ADAM17: variants seen among roughly 807,000 people sequenced by gnomAD.
The protein encoded by ADAM17 is ADAM metallopeptidase domain 17.
In ADAM17, 39 loss-of-function variants were observed where a neutral mutation model predicts 96.7. The observed-to-expected ratio is 0.40, with a 90% CI of 0.31 to 0.53. ADAM17 has a LOEUF of 0.53. Among genes scored for constraint, ADAM17 ranks in the 20% least tolerant of loss-of-function variants. The probability of loss-of-function intolerance (pLI) is 0.44; values close to 1 mark genes in which losing one functional copy is unlikely to be tolerated. For missense variants in ADAM17, 777 were observed against 1,013.2 expected, an observed-to-expected ratio of 0.77 and a Z score of 3.17; for synonymous variants, 344 against 359.2, an observed-to-expected ratio of 0.96 and a Z score of 0.48.
chr2:9,550,592 C>T (rs1462205494), intron 1 of ADAM17, among the ~76,000 whole-genome samples: 3 of 151,698 alleles, frequency 2.0e-5, no homozygotes, highest in Non-Finnish European at 2.9e-5. Flanking sequence ...ATTACAGGCA[C>T]GCACCACCAC....
intron 11 of ADAM17, among the ~76,000 whole-genome samples, chr2:9,508,972 G>A (rs1435848858): frequency 7.2e-6 from 1 of 138,474 alleles, no homozygotes; most frequent in Non-Finnish European, 1.6e-5. Flanking sequence ...ATGAGATGCA[G>A]AAAATATACA....
At chr2:9,522,407 T>A in intron 7 of ADAM17, 1 of 580,882 alleles carries the variant, frequency 1.7e-6, no homozygotes, top group Non-Finnish European at 3.2e-6. Flanking sequence ...CTGGCTTTTG[T>A]ACTGTGTACA....
intron 14 of ADAM17, among the ~76,000 whole-genome samples, chr2:9,495,450 C>T (rs1392068060): frequency 6.6e-6 from 1 of 152,228 alleles, no homozygotes; most frequent in Admixed American, 6.5e-5. Flanking sequence ...CAGTGGCTCT[C>T]GCTTGTAATC....
At chr2:9,504,433 GA>G (rs1480739346) in intron 12 of ADAM17, among the ~76,000 whole-genome samples, 1 of 151,042 alleles carries the variant, frequency 6.6e-6, no homozygotes, top group Non-Finnish European at 1.5e-5. Context: ...AACAGAGCGA[GA>G]CGCCGTCTCA....
rs183075540 is a variant in ADAM17, at chr2:9,545,632, A to G, written c.98-2347T>C. Among the ~76,000 whole-genome samples, 132 of 152,314 alleles carry G rather than the reference A, an allele frequency of 8.7e-4. 1 individual carries two copies. The highest frequency in any genetic ancestry group is 3.0e-3 in the African/African-American group (125 of 41,570). On this transcript the variant is annotated intron_variant, in intron 1 of 18. Coordinates refer to ENST00000310823, the MANE Select transcript of ADAM17 (RefSeq NM_003183.6). ...GGAAGGTAACAACTCAAAGTAAAGAAAAAAACTTTAGCCACAAAGATGTTC... is the reference window on the plus strand; with the variant it reads ...GGAAGGTAACAACTCAAAGTAAAGAGAAAAACTTTAGCCACAAAGATGTTC...
chr2:9,494,911 C>G, intron 14 of ADAM17, 144 bp from the exon 15 acceptor site: 1 of 975,724 alleles, frequency 1.0e-6, no homozygotes, highest in Non-Finnish European at 1.5e-6. Context: ...TATCCATAGC[C>G]CCCACCAAGG....
intron 4 of ADAM17, 71 bp downstream of exon 4, chr2:9,535,763 T>C: frequency 3.0e-6 from 3 of 993,686 alleles, no homozygotes; most frequent in Non-Finnish European, 4.6e-6. Context: ...CTTTTCACCT[T>C]TGCAGAACTG....
intron 14 of ADAM17, among the ~76,000 whole-genome samples, chr2:9,495,565 T>A (rs962426847): frequency 4.5e-4 from 68 of 152,002 alleles, no homozygotes; most frequent in African/African-American, 1.6e-3. Flanking sequence ...ATAAAAAAAA[T>A]TAGCCAGATG....
chr2:9,543,273 G>T lies in ADAM17; in HGVS notation c.110C>A (p.Ser37Tyr), dbSNP rs771131237. The stretch of plus-strand genomic sequence containing the variant: ...GAGAATATCGTAGTCTGAGAGCAAA[G>T]AATCAAGCTTCTCTGAAATAAAGGT... ...GPHQRLEKLD[S>Y]LLSDYDILSL... The change falls in exon 2 of 19, where the codon TCT becomes TAT. Residue 37 changes from serine (S) to tyrosine (Y), a missense_variant. By Grantham distance (144) the Ser-to-Tyr change is moderately radical (BLOSUM62 -2). Around this residue, in one of 3 missense-constraint regions of ADAM17, gnomAD observed 134 missense variants for 129.1 expected, o/e 1.04. Coordinates refer to ENST00000310823, the MANE Select transcript of ADAM17 (RefSeq NM_003183.6). The T allele has an allele frequency of 1.1e-5, 18 of 1,590,446 alleles. No homozygotes were observed. The highest frequency in any genetic ancestry group is 1.5e-5 in the Non-Finnish European group (17 of 1,172,306).
intron 12 of ADAM17, among the ~76,000 whole-genome samples, 172 bp downstream of exon 12, chr2:9,504,994 G>C (rs1173366505): frequency 6.6e-6 from 1 of 152,070 alleles, no homozygotes; most frequent in African/African-American, 2.4e-5. Flanking sequence ...GTGAGCCACC[G>C]TGCCAGGCCC....
chr2:9,529,645 T>C (rs1441112497), intron 4 of ADAM17, among the ~76,000 whole-genome samples: 2 of 152,074 alleles, frequency 1.3e-5, no homozygotes, highest in African/African-American at 4.8e-5. Flanking sequence ...TGTTCTAAAA[T>C]TGAATGAGGT....
Position 9,496,983 on chromosome 2 carries a change from C to A in ADAM17, c.1783+131G>T, listed in dbSNP as rs1317173890. On this transcript the variant is annotated intron_variant, in intron 14 of 18. Coordinates refer to ENST00000310823, the MANE Select transcript of ADAM17 (RefSeq NM_003183.6). Reference sequence around the variant, plus strand: ...TGTCTCCAGACACCACCCTGCCCTTCCCCATCCCCTCATCCTCGGCTTGGA... The same window carrying A: ...TGTCTCCAGACACCACCCTGCCCTTACCCATCCCCTCATCCTCGGCTTGGA... 5.8e-6 allele frequency: 8 copies of A among 1,387,170 alleles called. No individual in the cohort carries two copies. In the South Asian group the frequency reaches 6.9e-5, roughly 12 times the overall value. 85.9% of individuals were successfully genotyped at this position (1,387,170 alleles called of 1,614,324 possible).
chr2:9,490,151 T>TTAAG lies in ADAM17; in HGVS notation c.*22_*25dup, dbSNP rs752044573. The TTAAG allele has an allele frequency of 3.5e-5, 54 of 1,559,488 alleles. No homozygotes were observed. The Admixed American group carries it at 9.7e-4, about 28-fold the overall frequency. On this transcript the variant is annotated 3_prime_UTR_variant, in exon 19 of 19. Transcript: ENST00000310823. ...AAATCTATAAAAATATTTTGCACAC[T>TTAAG]TAAGTCAGAAGAGCTGAGAACTAAA... is the stretch of plus-strand genomic sequence containing the variant.
In ADAM17 at chr2:9,522,298, C is replaced by T. The variant is rs1261749747; in HGVS notation, c.843+951G>A. ...CATATACATACACTATACCTGCATA[C>T]GACATCTCTAGAAAGATACATATGA... On this transcript the variant is annotated intron_variant, in intron 7 of 18. Coordinates refer to ENST00000310823, the MANE Select transcript of ADAM17 (RefSeq NM_003183.6). 8 of 479,316 alleles carry T rather than the reference C, an allele frequency of 1.7e-5. No individual in the cohort carries two copies. The East Asian group carries it at 1.8e-4, about 11-fold the overall frequency. 29.7% of individuals were successfully genotyped at this position (479,316 alleles called of 1,614,324 possible).
intron 6 of ADAM17, 61 bp downstream of exon 6, chr2:9,526,050 T>C (rs1664510648): frequency 6.9e-7 from 1 of 1,455,654 alleles, no homozygotes; most frequent in African/African-American, 1.4e-5. Context: ...GCATTAAGTT[T>C]CATGGAATGT....
chr2:9,496,773 T>A (rs1232668019), intron 14 of ADAM17, among the ~76,000 whole-genome samples: 1 of 152,156 alleles, frequency 6.6e-6, no homozygotes, highest in African/African-American at 2.4e-5. Flanking sequence ...ACTGCTGCTT[T>A]TGTGGTTTGT....
rs536296718 is a variant in ADAM17, at chr2:9,490,807, G to T, written c.2134-289C>A. Reference sequence around the variant, plus strand: ...CAAAAGAGGATTCAAACCTCTCAAGGTAAGATCCCAAGAGAGAAATTGAAC... The same window carrying T: ...CAAAAGAGGATTCAAACCTCTCAAGTTAAGATCCCAAGAGAGAAATTGAAC... On this transcript the variant is annotated intron_variant, in intron 18 of 18. Transcript: ENST00000310823. Among the ~76,000 whole-genome samples the T allele has an allele frequency of 1.1e-4, 17 of 152,308 alleles. No homozygotes were observed. In the South Asian group the frequency reaches 3.1e-3, roughly 28 times the overall value.
At chr2:9,549,054 T>TA (rs1173308883) in intron 1 of ADAM17, among the ~76,000 whole-genome samples, 2 of 152,198 alleles carry the variant, frequency 1.3e-5, no homozygotes, top group African/African-American at 4.8e-5. Flanking sequence ...ATTTTTAAGC[T>TA]AAAACTAATC....
At chr2:9,551,279 T>G (rs368574608) in intron 1 of ADAM17, among the ~76,000 whole-genome samples, 2 of 151,454 alleles carry the variant, frequency 1.3e-5, no homozygotes, top group South Asian at 4.2e-4. Flanking sequence ...GAGATGCCCA[T>G]TTCCTTGGCT....
Sources: gnomAD v4.1 joint callset for allele counts (sites outside exome capture counted in the v4.1 genomes callset) on GRCh38, gnomAD v4.1.1 for gene constraint, gnomAD v4.1.1 regional missense constraint, MANE v1.5 for transcripts, NCBI Gene and HGNC (gene_info 2026-07-23, HGNC 2026-07-21) for gene names.